Variants in PEBP4 observed in about 807,000 individuals in gnomAD.
PEBP4 encodes the protein phosphatidylethanolamine-binding protein 4.
In PEBP4, 22 loss-of-function variants were observed where a neutral mutation model predicts 23.9. That is an observed-to-expected ratio of 0.92 (90% CI 0.66 to 1.31). PEBP4 has a LOEUF of 1.31. Ranked by LOEUF, PEBP4 falls within the 40% of genes most tolerant of loss-of-function variation. PEBP4 has a pLI of 0.00. For missense variants in PEBP4, 324 were observed against 281.7 expected (o/e 1.15, Z -1.07); for synonymous variants, 112 against 99.3 (o/e 1.13, Z -0.76).
rs145392018 is a variant in PEBP4 at position 22,891,395 on chromosome 8, T to A, written c.258+28789A>T. On this transcript the variant is annotated intron_variant, in intron 3 of 6. Coordinates refer to ENST00000256404, the MANE Select transcript of PEBP4 (RefSeq NM_144962.3). ...ACCTCACCTGCTGTCTCCCACATCC[T>A]CATCTCCCTCCAATGAAACCCAAGT... Among the ~76,000 whole-genome samples the A allele has an allele frequency of 6.7e-3, 1,024 of 152,272 alleles. 16 individuals are homozygous for A. The highest frequency in any genetic ancestry group is 5.8e-3 in the Non-Finnish European group (397 of 68,024).
At chr8:22,747,227 C>T (rs7009864) in intron 4 of PEBP4, among the ~76,000 whole-genome samples, 102,471 of 152,190 alleles carry the variant, frequency 0.67, 35,574 homozygotes, top group Admixed American at 0.77. Flanking sequence ...TAGTGACTAC[C>T]ATAGTGGACA....
At chr8:22,758,670 T>C (rs888804706) in intron 4 of PEBP4, among the ~76,000 whole-genome samples, 1 of 152,186 alleles carries the variant, frequency 6.6e-6, no homozygotes, top group Admixed American at 6.5e-5. Context: ...TGATGCCTAC[T>C]TCAGGGGCTA....
At chr8:22,837,853 G>A (rs950093802) in intron 3 of PEBP4, among the ~76,000 whole-genome samples, 1 of 149,412 alleles carries the variant, frequency 6.7e-6, no homozygotes, top group Admixed American at 6.7e-5. Context: ...GGTTCTGTGT[G>A]GGCTTCTTTT....
chr8:22,925,037 C>T (rs1809294440), intron 2 of PEBP4: 5 of 985,290 alleles, frequency 5.1e-6, no homozygotes, highest in Non-Finnish European at 6.0e-6. Flanking sequence ...AGAGCCTGAG[C>T]CGAGTGGGGA....
chr8:22,879,415 G>A (rs1253419719), intron 3 of PEBP4: 1 of 152,250 alleles, frequency 6.6e-6, no homozygotes, highest in Admixed American at 6.5e-5. Context: ...TTGGTGAGTA[G>A]CAGAGATGAG....
chr8:22,903,180 T>G (rs757027984), intron 3 of PEBP4, among the ~76,000 whole-genome samples: 5 of 152,126 alleles, frequency 3.3e-5, no homozygotes, highest in Non-Finnish European at 4.4e-5. Flanking sequence ...TACCTGTTAT[T>G]TGAGAGCCAG....
Position 22,814,878 on chromosome 8 carries a change from G to C in PEBP4, c.357+2759C>G, listed in dbSNP as rs114084079. 1.4e-3 allele frequency among the ~76,000 whole-genome samples: 212 copies of C among 152,298 alleles called. 2 individuals are homozygous for C. Among genetic ancestry groups the C allele is most frequent in the African/African-American group, 5.0e-3 (206 of 41,560 alleles). ...AGGATAGTTAGAAAAAGAACTCTGG[G>C]AGTGAACCGGGGGGTGGTGGAGGGA... On this transcript the variant is annotated intron_variant, in intron 4 of 6. Transcript: ENST00000256404.
intron 4 of PEBP4, among the ~76,000 whole-genome samples, chr8:22,751,015 T>C (rs1371146067): frequency 6.6e-6 from 1 of 152,202 alleles, no homozygotes; most frequent in East Asian, 1.9e-4. Flanking sequence ...ATTCAAGTGT[T>C]GACAAGAAGG....
At chr8:22,796,170 G>A (rs1350888338) in intron 4 of PEBP4, among the ~76,000 whole-genome samples, 1 of 152,172 alleles carries the variant, frequency 6.6e-6, no homozygotes, top group African/African-American at 2.4e-5. Context: ...CAAAATAAGG[G>A]ATTAAAAGCA....
chr8:22,773,433 G>C (rs1805754929), intron 4 of PEBP4, among the ~76,000 whole-genome samples: 1 of 152,194 alleles, frequency 6.6e-6, no homozygotes, highest in African/African-American at 2.4e-5. Flanking sequence ...GAAAGGCGGG[G>C]AGGGAGGCAG....
Position 22,750,540 on chromosome 8 carries a change from C to T in PEBP4, c.358-23320G>A, listed in dbSNP as rs532542022. On this transcript the variant is annotated intron_variant, in intron 4 of 6. Coordinates refer to ENST00000256404, the MANE Select transcript of PEBP4 (RefSeq NM_144962.3). ...AAGGTGGATGGTTCTGGGCACATGG[C>T]TGGTGCTTTTTAGGTACTTGTTGAT... Among the ~76,000 whole-genome samples, 8 of 152,316 alleles carry T rather than the reference C, an allele frequency of 5.3e-5. No individual in the cohort carries two copies. The South Asian group carries it at 1.7e-3, about 32-fold the overall frequency.
At chr8:22,919,790 C>A (rs1315171582) in intron 3 of PEBP4, among the ~76,000 whole-genome samples, 2 of 152,184 alleles carry the variant, frequency 1.3e-5, no homozygotes, top group Non-Finnish European at 2.9e-5. Context: ...GGCCCAGGCA[C>A]CCCGCGCCTT....
chr8:22,852,476 G>A (rs1326512808), intron 3 of PEBP4, among the ~76,000 whole-genome samples: 1 of 152,114 alleles, frequency 6.6e-6, no homozygotes, highest in African/African-American at 2.4e-5. Context: ...GAGCAAGCCT[G>A]GGTCTCCTTT....
At chr8:22,806,262 C>A (rs1386302213) in intron 4 of PEBP4, among the ~76,000 whole-genome samples, 3 of 152,126 alleles carry the variant, frequency 2.0e-5, no homozygotes, top group Non-Finnish European at 4.4e-5. Context: ...TGTTACCCAT[C>A]GTATTAGCTA....
intron 4 of PEBP4, among the ~76,000 whole-genome samples, chr8:22,798,851 C>CCT (rs1806324545): frequency 6.7e-6 from 1 of 148,418 alleles, no homozygotes; most frequent in African/African-American, 2.5e-5. Flanking sequence ...GATTCTCCTG[C>CCT]CTCAGCCTTC....
chr8:22,829,416 C>T (rs547285871), intron 3 of PEBP4, among the ~76,000 whole-genome samples: 8 of 152,302 alleles, frequency 5.3e-5, no homozygotes, highest in African/African-American at 1.9e-4. Context: ...CTCCAACCTC[C>T]AACCTCCCCT....
At chr8:22,935,930 G>C (rs756173187) in intron 1 of PEBP4, among the ~76,000 whole-genome samples, 14 of 150,516 alleles carry the variant, frequency 9.3e-5, no homozygotes, top group Admixed American at 4.0e-4. Flanking sequence ...AGCTATAAAA[G>C]CTTACATTGA....
At chr8:22,925,038 C>T (rs1476411733) in intron 2 of PEBP4, 4 of 985,152 alleles carry the variant, frequency 4.1e-6, no homozygotes, top group South Asian at 4.7e-5. Flanking sequence ...GAGCCTGAGC[C>T]GAGTGGGGAT....
chr8:22,868,392 G>A (rs554437084), intron 3 of PEBP4, among the ~76,000 whole-genome samples: 8 of 152,058 alleles, frequency 5.3e-5, no homozygotes, highest in African/African-American at 1.9e-4. Flanking sequence ...GGGTGTGCCC[G>A]GTGTGTGTGC....
Sources: gnomAD v4.1 joint callset for allele counts (sites outside exome capture counted in the v4.1 genomes callset) on GRCh38, gnomAD v4.1.1 for gene constraint, MANE v1.5 for transcripts, NCBI Gene and HGNC (gene_info 2026-07-23, HGNC 2026-07-21) for gene names.